Variants in DNAH1 observed in about 807,000 individuals in gnomAD.
DNAH1 encodes axonemal beta dynein heavy chain 1.
DNAH1 carries 327 observed loss-of-function variants against 484.3 expected under a neutral mutation model. The ratio of observed to expected loss-of-function variants is 0.68; its 90% CI spans 0.62 to 0.74. The LOEUF (loss-of-function observed/expected upper bound fraction) is 0.74. Ranked by LOEUF, DNAH1 falls within the 30% of genes least tolerant of loss-of-function variation. DNAH1 has a pLI of 0.00. For synonymous variants in DNAH1, 2,192 were observed against 2,191.9 expected, an observed-to-expected ratio of 1.00 and a Z score of 0.00; for missense variants, 5,052 against 5,546.8, an observed-to-expected ratio of 0.91 and a Z score of 2.83.
At chr3:52,397,609 G>A (rs1704692228) in intron 73 of DNAH1, 98 bp from the exon 74 acceptor site, 26 of 1,145,620 alleles carry the variant, frequency 2.3e-5, no homozygotes, top group Non-Finnish European at 3.1e-5. Flanking sequence ...GTGACAAGTG[G>A]GGAATGTGAC....
intron 6 of DNAH1, among the ~76,000 whole-genome samples, chr3:52,329,809 A>G (rs1393287466): frequency 6.6e-6 from 1 of 151,314 alleles, no homozygotes; most frequent in Non-Finnish European, 1.5e-5. Flanking sequence ...TGGGCAACAG[A>G]GTGAGACTCC....
intron 1 of DNAH1, among the ~76,000 whole-genome samples, chr3:52,319,949 T>C (rs1233682969): frequency 6.6e-6 from 1 of 152,246 alleles, no homozygotes; most frequent in East Asian, 1.9e-4. Context: ...TCACCCATTA[T>C]GGATTCCTTT....
intron 1 of DNAH1, among the ~76,000 whole-genome samples, chr3:52,318,648 G>A (rs1345907216): frequency 1.3e-5 from 2 of 152,258 alleles, no homozygotes; most frequent in Non-Finnish European, 2.9e-5. Flanking sequence ...ACTTGAAAAT[G>A]CCTACACAGC....
In DNAH1 at chr3:52,368,628, G is replaced by A. The variant is rs554379061; in HGVS notation, c.5766-113G>A. 10 of 1,131,574 alleles carry A rather than the reference G, an allele frequency of 8.8e-6. No individual in the cohort carries two copies. Among genetic ancestry groups the A allele is most frequent in the Non-Finnish European group, 1.3e-5 (10 of 790,484 alleles). The allele number at this position is 1,131,574 out of a possible 1,614,324, so 70.1% of individuals were successfully genotyped here. On this transcript the variant is annotated intron_variant, in intron 36 of 77. Transcript: ENST00000420323. This position sits in a 1 kb window ranked among gnomAD's most constrained non-coding sequence, Gnocchi z 4.4. ...ATTATAATTTTTAAAAGAACAAAGA[G>A]ATTGAAGGAAAGTAGAGCCCGCCCA...
intron 67 of DNAH1, 80 bp downstream of exon 67, chr3:52,394,741 T>C: frequency 1.3e-6 from 2 of 1,499,264 alleles, no homozygotes; most frequent in Non-Finnish European, 1.8e-6. Flanking sequence ...GGGCGCCTTC[T>C]CTAAGGGGCC....
At chr3:52,384,635 G>A in intron 52 of DNAH1, 151 bp from the exon 53 acceptor site, 1 of 762,302 alleles carries the variant, frequency 1.3e-6, no homozygotes, top group Non-Finnish European at 2.0e-6. Context: ...CCTCGACCTG[G>A]AGGTCGTGAG....
intron 8 of DNAH1, among the ~76,000 whole-genome samples, chr3:52,344,154 G>C (rs1702052126): frequency 6.6e-6 from 1 of 152,212 alleles, no homozygotes; most frequent in South Asian, 2.1e-4. Context: ...GGAGGTGCAG[G>C]CTGTGAGTGG....
intron 48 of DNAH1, among the ~76,000 whole-genome samples, chr3:52,380,992 T>C (rs1662612674): frequency 6.6e-6 from 1 of 152,130 alleles, no homozygotes; most frequent in Admixed American, 6.5e-5. Flanking sequence ...GTCATATGAG[T>C]TATGGAGTTC....
At chr3:52,351,427 AC>A (rs899083990) in intron 16 of DNAH1, among the ~76,000 whole-genome samples, 2 of 152,228 alleles carry the variant, frequency 1.3e-5, no homozygotes, top group Non-Finnish European at 2.9e-5. Flanking sequence ...AGAGGGAGAC[AC>A]TGGCAGACAG....
rs537046900 is a variant in DNAH1, at chr3:52,383,563, C to T, written c.8119C>T (p.Arg2707Cys). 23 of 1,605,186 alleles carry T rather than the reference C, an allele frequency of 1.4e-5. No homozygotes were observed. The highest frequency in any genetic ancestry group is 1.1e-4 in the African/African-American group (8 of 74,848). The change falls in exon 51 of 78, where the codon CGC becomes TGC. Residue 2707 changes from arginine (R) to cysteine (C), a missense_variant. Around this residue, in one of 4 missense-constraint regions of DNAH1, gnomAD observed 2,929 missense variants for 3,409.4 expected, o/e 0.86. Transcript: ENST00000420323. ...NLMAAYTGRV[R>C]SNIHMVLCMS... ...CATGGCTGCTTACACAGGGCGTGTG[C>T]GCAGCAACATCCACATGGTGCTGTG... is the stretch of plus-strand genomic sequence containing the variant.
chr3:52,375,042 TAAAAA>T (rs36095568), intron 44 of DNAH1, among the ~76,000 whole-genome samples, 193 bp from the exon 45 acceptor site: 1 of 145,114 alleles, frequency 6.9e-6, no homozygotes, highest in South Asian at 2.1e-4. Context: ...TTGAACTTTG[TAAAAA>T]AAAAAAAAGT....
chr3:52,370,390 A>C, intron 39 of DNAH1, 87 bp from the exon 40 acceptor site: 2 of 1,584,478 alleles, frequency 1.3e-6, no homozygotes, highest in Non-Finnish European at 1.7e-6. Context: ...GCTGTGTAGC[A>C]GAGGTCAAGA....
At chr3:52,357,803 G>A in intron 23 of DNAH1, 68 bp downstream of exon 23, 1 of 1,574,476 alleles carries the variant, frequency 6.4e-7, no homozygotes, top group Non-Finnish European at 8.6e-7. Flanking sequence ...CCAGGGCCCT[G>A]CTCAGGCTAG....
At position 52,396,447 on chromosome 3, in the gene DNAH1, A is replaced by G. The variant is rs917390484; in HGVS notation, c.11339A>G (p.Lys3780Arg). Reference sequence around the variant, plus strand: ...GTGTCCATCCTGCAGAACGGCTCCAAGATGACCATTGAGCCGCCACGCGGT... The same window carrying G: ...GTGTCCATCCTGCAGAACGGCTCCAGGATGACCATTGAGCCGCCACGCGGT... ...FPVSILQNGS[K>R]MTIEPPRGVR... The change falls in exon 71 of 78, where the codon AAG becomes AGG. Residue 3780 changes from lysine (K) to arginine (R), a missense_variant. Lys to Arg is a conservative substitution (Grantham distance 26). Coordinates refer to ENST00000420323, the MANE Select transcript of DNAH1 (RefSeq NM_015512.5). 8.1e-6 allele frequency: 13 copies of G among 1,596,838 alleles called. No individual in the cohort carries two copies. Among genetic ancestry groups the G allele is most frequent in the Non-Finnish European group, 1.1e-5 (13 of 1,172,076 alleles).
chr3:52,321,971 G>T (rs1262689752), intron 1 of DNAH1, among the ~76,000 whole-genome samples: 1 of 152,192 alleles, frequency 6.6e-6, no homozygotes, highest in Non-Finnish European at 1.5e-5. Context: ...GGATGGGCTG[G>T]GGGTGCCAGG....
chr3:52,315,223 C>T (rs192668184), upstream of DNAH1, among the ~76,000 whole-genome samples: 135 of 152,218 alleles, frequency 8.9e-4, no homozygotes, highest in Admixed American at 2.1e-3. Context: ...GAGCTCCAGG[C>T]CTAGAAAATC....
At chr3:52,398,499 A>C (rs1419255180) in intron 75 of DNAH1, among the ~76,000 whole-genome samples, 1 of 152,240 alleles carries the variant, frequency 6.6e-6, no homozygotes, top group East Asian at 1.9e-4. Context: ...CATGTTGGCC[A>C]GGATGGTCTC....
Position 52,352,200 on chromosome 3 carries a change from G to A in DNAH1, c.2871+97G>A. ...GCCTCACTTCTTGCATTCAGGAGGTGCTGAGTCAACATGTGATGGGCGGGC... is the reference window on the plus strand; with the variant it reads ...GCCTCACTTCTTGCATTCAGGAGGTACTGAGTCAACATGTGATGGGCGGGC... On this transcript the variant is annotated intron_variant, in intron 17 of 77. Coordinates refer to ENST00000420323, the MANE Select transcript of DNAH1 (RefSeq NM_015512.5). The A allele has an allele frequency of 3.4e-6, 5 of 1,480,718 alleles. No homozygotes were observed. In the South Asian group the frequency reaches 3.9e-5, roughly 11 times the overall value. The allele number at this position is 1,480,718 out of a possible 1,614,324, so 91.7% of individuals were successfully genotyped here. A position where few individuals can be genotyped will look rare whatever the true frequency, so the allele number is the denominator to read the frequency against.
At chr3:52,373,877 A>C in intron 44 of DNAH1, 1 of 1,397,240 alleles carries the variant, frequency 7.2e-7, no homozygotes, top group Non-Finnish European at 1.0e-6. Context: ...TGTTTCGAAT[A>C]TTACCACCTT....
Sources: allele counts gnomAD v4.1 joint callset (sites outside exome capture counted in the v4.1 genomes callset), GRCh38; gene constraint gnomAD v4.1.1; regional missense constraint gnomAD v4.1.1; non-coding constraint Gnocchi (gnomAD v3.1); transcripts MANE v1.5; gene names NCBI Gene and HGNC (gene_info 2026-07-23, HGNC 2026-07-21).